RNF130: variants seen among roughly 807,000 people sequenced by gnomAD.
The protein encoded by RNF130 is ring finger protein 130, also known as E3 ubiquitin-protein ligase RNF130.
Under a neutral mutation model 44.6 loss-of-function variants are expected in RNF130, and 21 were observed. That is an observed-to-expected ratio of 0.47 (90% CI 0.33 to 0.68). The LOEUF is 0.68. Ranked by LOEUF, RNF130 falls within the 30% of genes least tolerant of loss-of-function variation. The pLI is 0.02. For synonymous variants in RNF130, 214 were observed against 210.4 expected (o/e 1.02, Z -0.15); for missense variants, 479 against 560.6 (o/e 0.85, Z 1.47).
At chr5:179,951,652 T>C (rs1443846223), downstream of RNF130, among the ~76,000 whole-genome samples, 1 of 152,214 alleles carries the variant, frequency 6.6e-6, no homozygotes, top group African/African-American at 2.4e-5. Context: ...TTCTCCAGGA[T>C]AGACCATGTT....
At chr5:179,993,123 G>A (rs1477439572) in intron 3 of RNF130, among the ~76,000 whole-genome samples, 12 of 152,088 alleles carry the variant, frequency 7.9e-5, no homozygotes, top group African/African-American at 2.2e-4. Context: ...CCAGTCTATC[G>A]TTGTTGGACA....
chr5:179,955,894 A>T (rs1762201969), intron 8 of RNF130, among the ~76,000 whole-genome samples: 1 of 152,200 alleles, frequency 6.6e-6, no homozygotes, highest in African/African-American at 2.4e-5. Context: ...TCCCAAAAGG[A>T]TGAAGGAAAA....
chr5:179,969,984 T>C lies in RNF130; in HGVS notation c.945+426A>G, dbSNP rs538914621. 2.6e-5 allele frequency among the ~76,000 whole-genome samples: 4 copies of C among 151,842 alleles called. No homozygotes were observed. In the South Asian group the frequency reaches 8.3e-4, roughly 32 times the overall value. Reference sequence around the variant, plus strand: ...CCAGCTTGGGCAACAAGAGCAAAACTCCCTCTCAAAAAAACAAAAAAGTTA... The same window carrying C: ...CCAGCTTGGGCAACAAGAGCAAAACCCCCTCTCAAAAAAACAAAAAAGTTA... On this transcript the variant is annotated intron_variant, in intron 6 of 8. Coordinates refer to ENST00000521389, the MANE Select transcript of RNF130 (RefSeq NM_018434.6).
intron 1 of RNF130, among the ~76,000 whole-genome samples, chr5:180,055,189 C>A (rs1182608381): frequency 7.7e-6 from 1 of 129,336 alleles, no homozygotes; most frequent in African/African-American, 3.0e-5. Flanking sequence ...CAAAAATTAG[C>A]CAGGCCCTGA....
downstream of RNF130, among the ~76,000 whole-genome samples, chr5:179,950,892 G>GA (rs765385195): frequency 6.6e-6 from 1 of 152,226 alleles, no homozygotes; most frequent in Non-Finnish European, 1.5e-5. Context: ...GAGAAGGAAA[G>GA]AAAAAGGAAG....
intron 7 of RNF130, among the ~76,000 whole-genome samples, chr5:179,928,870 C>T (rs549874551): frequency 6.6e-6 from 1 of 152,280 alleles, no homozygotes; most frequent in East Asian, 1.9e-4. Context: ...ATCTCGTGAT[C>T]CCCCTGCCTC....
chr5:180,000,751 T>C (rs1561687169), intron 3 of RNF130, among the ~76,000 whole-genome samples: 3 of 152,248 alleles, frequency 2.0e-5, no homozygotes, highest in East Asian at 1.9e-4. Context: ...TTCTCTTTTA[T>C]TCAATTTCCT....
At chr5:180,061,461 A>G (rs1437243055) in intron 1 of RNF130, among the ~76,000 whole-genome samples, 1 of 152,140 alleles carries the variant, frequency 6.6e-6, no homozygotes, top group Non-Finnish European at 1.5e-5. Context: ...ACATAGTCTC[A>G]TTGTCTCACA....
chr5:180,035,634 T>G (rs576767348), intron 2 of RNF130, among the ~76,000 whole-genome samples: 1 of 152,376 alleles, frequency 6.6e-6, no homozygotes, highest in Non-Finnish European at 1.5e-5. Context: ...AAATGTCTGT[T>G]TCTCCTTCCC....
At chr5:180,009,947 A>C (rs1379744286) in intron 3 of RNF130, among the ~76,000 whole-genome samples, 1 of 151,878 alleles carries the variant, frequency 6.6e-6, no homozygotes, top group African/African-American at 2.4e-5. Flanking sequence ...TGATACACAT[A>C]ACAACTTGAA....
intron 1 of RNF130, among the ~76,000 whole-genome samples, chr5:180,065,363 G>A (rs1024820432): frequency 3.9e-5 from 6 of 152,164 alleles, no homozygotes; most frequent in South Asian, 2.1e-4. Flanking sequence ...TAACACAATC[G>A]TAGTTCACAA....
At position 179,966,986 on chromosome 5, in the gene RNF130, C is replaced by G; in HGVS notation, c.970G>C (p.Val324Leu). ...IVPNLPCTDNVAFDMERLTRT... is the reference protein window; with the variant it reads ...IVPNLPCTDNLAFDMERLTRT... ...GTGAGCCTTTCCATATCGAATGCTA[C>G]GTTATCAGTACATGGCAAATTCGGC... The change falls in exon 7 of 9, where the codon GTA (valine) becomes CTA (leucine). Residue 324 changes from valine to leucine, a missense_variant. This residue lies in a region of RNF130 where 161 missense variants were observed against 158.6 expected (regional missense o/e 1.02). Coordinates refer to ENST00000521389, the MANE Select transcript of RNF130 (RefSeq NM_018434.6). The G allele has an allele frequency of 6.2e-7, 1 of 1,614,092 alleles. No individual in the cohort carries two copies. Among genetic ancestry groups the G allele is most frequent in the South Asian group, 1.1e-5 (1 of 91,080 alleles).
intron 7 of RNF130, among the ~76,000 whole-genome samples, chr5:179,925,501 G>GT (rs1187751221): frequency 2.0e-5 from 3 of 152,018 alleles, no homozygotes; most frequent in Non-Finnish European, 2.9e-5. Context: ...GGTTTCTTCT[G>GT]TTTTTTCATT....
chr5:180,036,815 T>TATA (rs1251850177), intron 2 of RNF130, among the ~76,000 whole-genome samples: 1 of 146,232 alleles, frequency 6.8e-6, no homozygotes, highest in Non-Finnish European at 1.5e-5. Flanking sequence ...TTACAAAGAA[T>TATA]ATAATGTCTG....
chr5:180,057,339 A>G (rs1422467955), intron 1 of RNF130, among the ~76,000 whole-genome samples: 2 of 152,354 alleles, frequency 1.3e-5, no homozygotes, highest in East Asian at 3.9e-4. Context: ...ACCCGAGGTC[A>G]GGAGTTTGAG....
chr5:179,921,886 G>A (rs1761635750), intron 7 of RNF130, among the ~76,000 whole-genome samples: 1 of 150,836 alleles, frequency 6.6e-6, no homozygotes, highest in African/African-American at 2.5e-5. Flanking sequence ...GCCAGGCATG[G>A]TGGCAGGTGC....
At chr5:179,998,207 T>C (rs1317254277) in intron 3 of RNF130, among the ~76,000 whole-genome samples, 4 of 152,250 alleles carry the variant, frequency 2.6e-5, no homozygotes, top group Admixed American at 6.5e-5. Flanking sequence ...ATTGTTTTGA[T>C]GTAGGTGTTA....
chr5:180,058,983 C>G (rs997237328), intron 1 of RNF130, among the ~76,000 whole-genome samples: 22 of 152,168 alleles, frequency 1.4e-4, no homozygotes, highest in African/African-American at 4.8e-4. Context: ...GTTATTTTAC[C>G]ACAATTAAAA....
Position 180,071,536 on chromosome 5 carries a change from A to C in RNF130, c.167T>G (p.Ile56Ser). Reference sequence around the variant, plus strand: ...GTCAAGCCCGTAGCGCCCGCGGTCGATGCGAAACGTGAGCGGGGCGCCGCG... The same window carrying C: ...GTCAAGCCCGTAGCGCCCGCGGTCGCTGCGAAACGTGAGCGGGGCGCCGCG... The part of the protein sequence containing the change: ...PGRGAPLTFR[I>S]DRGRYGLDSP... Residue 56 changes from isoleucine to serine, a missense_variant, in exon 1 of 9, where the codon ATC becomes AGC. Coordinates refer to ENST00000521389, the MANE Select transcript of RNF130 (RefSeq NM_018434.6). The C allele has an allele frequency of 7.1e-7, 1 of 1,399,154 alleles. No individual in the cohort carries two copies. The highest frequency in any genetic ancestry group is 9.4e-7 in the Non-Finnish European group (1 of 1,068,284). 86.7% of individuals were successfully genotyped at this position (1,399,154 alleles called of 1,614,324 possible). A position where few individuals can be genotyped will look rare whatever the true frequency, so the allele number is the denominator to read the frequency against.
Sources: allele counts gnomAD v4.1 joint callset (sites outside exome capture counted in the v4.1 genomes callset), GRCh38; gene constraint gnomAD v4.1.1; regional missense constraint gnomAD v4.1.1; transcripts MANE v1.5; gene names NCBI Gene and HGNC (gene_info 2026-07-23, HGNC 2026-07-21).